The following GABRG3 variants were observed in gnomAD, a reference collection of about 807,000 sequenced individuals.
The protein encoded by GABRG3 is gamma-aminobutyric acid type A receptor subunit gamma3.
A neutral mutation model predicts 48.8 loss-of-function variants in GABRG3; 25 were observed. That is an observed-to-expected ratio of 0.51 (90% CI 0.37 to 0.72). GABRG3 has a LOEUF of 0.72. Among genes scored for constraint, GABRG3 ranks in the 30% least tolerant of loss-of-function variants. The pLI, the probability that GABRG3 is intolerant of heterozygous loss-of-function variation, is 0.00. For missense variants in GABRG3, 394 were observed against 577.9 expected (o/e 0.68, Z 3.26); for synonymous variants, 227 against 217.6 (o/e 1.04, Z -0.38).
At chr15:27,301,189 G>A (rs985887679) in intron 3 of GABRG3, among the ~76,000 whole-genome samples, 3 of 152,092 alleles carry the variant, frequency 2.0e-5, no homozygotes, top group Admixed American at 6.6e-5. Context: ...AAGGATAAGC[G>A]AATGTGATGC....
intron 3 of GABRG3, among the ~76,000 whole-genome samples, chr15:27,155,954 C>T (rs1898412776): frequency 6.6e-6 from 1 of 152,042 alleles, no homozygotes; most frequent in African/African-American, 2.4e-5. Flanking sequence ...GAAGCCAAGT[C>T]CACCATTTTA....
chr15:27,355,506 G>A (rs1479176112), intron 5 of GABRG3, among the ~76,000 whole-genome samples: 1 of 152,196 alleles, frequency 6.6e-6, no homozygotes, highest in Non-Finnish European at 1.5e-5. Context: ...TAGAGAGCAA[G>A]CACTTTGCTG....
intron 5 of GABRG3, among the ~76,000 whole-genome samples, chr15:27,459,227 G>T (rs1010278164): frequency 6.6e-6 from 1 of 152,192 alleles, no homozygotes; most frequent in Non-Finnish European, 1.5e-5. Flanking sequence ...TGGCAGGCTC[G>T]GTCCCATACA....
At chr15:27,470,290 C>G (rs1256584659) in intron 5 of GABRG3, among the ~76,000 whole-genome samples, 4 of 149,632 alleles carry the variant, frequency 2.7e-5, no homozygotes, top group Non-Finnish European at 5.9e-5. Context: ...ATGGCGCGAT[C>G]TTAGCTCACT....
chr15:27,454,884 A>T (rs1315645179), intron 5 of GABRG3, among the ~76,000 whole-genome samples: 2 of 152,182 alleles, frequency 1.3e-5, no homozygotes, highest in African/African-American at 2.4e-5. Context: ...GAGTTCATTC[A>T]GTTCTGTACC....
chr15:27,423,530 C>A (rs1378374866), intron 5 of GABRG3, among the ~76,000 whole-genome samples: 1 of 148,396 alleles, frequency 6.7e-6, no homozygotes, highest in Non-Finnish European at 1.5e-5. Context: ...TCTCCATTTT[C>A]TTGTTTTTTG....
At position 27,425,047 on chromosome 15, in the gene GABRG3, C is replaced by T. The variant is rs1888248920; in HGVS notation, c.575-55603C>T. Among the ~76,000 whole-genome samples the T allele has an allele frequency of 2.0e-5, 3 of 152,154 alleles. No individual in the cohort carries two copies. The South Asian group carries it at 6.2e-4, about 32-fold the overall frequency. On this transcript the variant is annotated intron_variant, in intron 5 of 9. Coordinates refer to ENST00000615808, the MANE Select transcript of GABRG3 (RefSeq NM_033223.5). ...AATCTCCAGTGGAATCTCTGGACAT[C>T]AAGGCCCAGGTGAGCTTCCCTGATT...
At chr15:27,022,738 T>C (rs1895919023) in intron 2 of GABRG3, among the ~76,000 whole-genome samples, 1 of 152,184 alleles carries the variant, frequency 6.6e-6, no homozygotes, top group Non-Finnish European at 1.5e-5. Context: ...GCAAGGCTGC[T>C]GTCAGGTCCC....
intron 2 of GABRG3, among the ~76,000 whole-genome samples, chr15:27,014,854 A>G (rs1895749112): frequency 6.6e-6 from 1 of 152,132 alleles, no homozygotes; most frequent in Non-Finnish European, 1.5e-5. Context: ...TATATAACTG[A>G]AAGTGAGATA....
In GABRG3 at chr15:27,190,944, C is replaced by G. The variant is rs1174774183; in HGVS notation, c.271-135865C>G. On this transcript the variant is annotated intron_variant, in intron 3 of 9. Transcript: ENST00000615808. ...ATGTCGTGCTTGTTCTCGTTGGTTT[C>G]AAAGAACATCTTTATTTCTGCCTTC... is the stretch of plus-strand genomic sequence containing the variant. Among the ~76,000 whole-genome samples, 5 of 152,124 alleles carry G rather than the reference C, an allele frequency of 3.3e-5. No individual in the cohort carries two copies. The East Asian group carries it at 9.6e-4, about 29-fold the overall frequency.
At chr15:27,340,961 T>A (rs745732503) in intron 5 of GABRG3, 1 of 503,070 alleles carries the variant, frequency 2.0e-6, no homozygotes, top group South Asian at 1.5e-5. Flanking sequence ...TGATGCATGC[T>A]TTTGTTTTGG....
At chr15:27,049,428 C>T (rs2140708592) in intron 3 of GABRG3, among the ~76,000 whole-genome samples, 1 of 152,288 alleles carries the variant, frequency 6.6e-6, no homozygotes, top group East Asian at 1.9e-4. Context: ...TAGTTTCTTC[C>T]AGTTTCTAAT....
chr15:27,075,467 A>G (rs1044613433), intron 3 of GABRG3, among the ~76,000 whole-genome samples: 1 of 152,210 alleles, frequency 6.6e-6, no homozygotes, highest in Non-Finnish European at 1.5e-5. Flanking sequence ...TGAATAAGTT[A>G]TAAAATTTAT....
chr15:26,977,562 C>T (rs573012458), intron 2 of GABRG3, among the ~76,000 whole-genome samples: 4 of 152,236 alleles, frequency 2.6e-5, no homozygotes, highest in Non-Finnish European at 4.4e-5. Flanking sequence ...GAGAATGTCA[C>T]GTACATGGAA....
chr15:27,335,694 G>A (rs1893940931), intron 5 of GABRG3, among the ~76,000 whole-genome samples: 1 of 152,112 alleles, frequency 6.6e-6, no homozygotes, highest in Non-Finnish European at 1.5e-5. Flanking sequence ...AACGAGGGGA[G>A]CACAGAGCTT....
At chr15:27,154,185 A>G (rs1409502593) in intron 3 of GABRG3, among the ~76,000 whole-genome samples, 2 of 152,142 alleles carry the variant, frequency 1.3e-5, no homozygotes, top group African/African-American at 2.4e-5. Context: ...GTTATTTATT[A>G]TAGTGGAGCC....
intron 3 of GABRG3, among the ~76,000 whole-genome samples, chr15:27,084,293 CTT>C (rs1348398293): frequency 6.6e-6 from 1 of 152,194 alleles, no homozygotes; most frequent in Non-Finnish European, 1.5e-5. Flanking sequence ...GTTACAGCCT[CTT>C]TTTCATTTTT....
intron 3 of GABRG3, among the ~76,000 whole-genome samples, chr15:27,116,375 T>G (rs1012304794): frequency 6.6e-6 from 1 of 152,228 alleles, no homozygotes; most frequent in African/African-American, 2.4e-5. Context: ...TATATATTTT[T>G]TTCTCATATA....
chr15:27,017,463 A>G (rs1199948384), intron 2 of GABRG3, among the ~76,000 whole-genome samples: 1 of 152,168 alleles, frequency 6.6e-6, no homozygotes, highest in Non-Finnish European at 1.5e-5. Context: ...GTGGTAGAAC[A>G]AACCCTGTTC....
Sources: gnomAD v4.1 joint callset for allele counts (sites outside exome capture counted in the v4.1 genomes callset) on GRCh38, gnomAD v4.1.1 for gene constraint, MANE v1.5 for transcripts, NCBI Gene and HGNC (gene_info 2026-07-23, HGNC 2026-07-21) for gene names.